The following ZC4H2 variants were observed in gnomAD, a reference collection of about 807,000 sequenced individuals.
ZC4H2 encodes the protein zinc finger C4H2 domain-containing protein.
For synonymous variants in ZC4H2, 84 were observed against 66.3 expected, an observed-to-expected ratio of 1.27 and a Z score of -1.30; for missense variants, 137 against 173.9, an observed-to-expected ratio of 0.79 and a Z score of 1.19.
chrX:64,962,790 T>C (rs1419795048), intron 1 of ZC4H2, among the ~76,000 whole-genome samples: 2 of 111,399 alleles, frequency 1.8e-5, no homozygotes, highest in African/African-American at 3.3e-5. Context: ...ATCCCACTTA[T>C]GATAGCACCA....
At chrX:65,029,260 G>A (rs1006614601) in intron 1 of ZC4H2, among the ~76,000 whole-genome samples, 1 of 112,294 alleles carries the variant, frequency 8.9e-6, no homozygotes, top group African/African-American at 3.2e-5. Context: ...ATGTAGCAGT[G>A]AGGTCCAATA....
intron 1 of ZC4H2, among the ~76,000 whole-genome samples, chrX:65,027,016 C>T (rs902586507): frequency 8.9e-6 from 1 of 112,309 alleles, no homozygotes; most frequent in Non-Finnish European, 1.9e-5. Context: ...AGATTCCAGA[C>T]TCCCAAGGAA....
At chrX:65,034,036 C>T (rs1932972969) in intron 1 of ZC4H2, among the ~76,000 whole-genome samples, 1 of 104,282 alleles carries the variant, frequency 9.6e-6, no homozygotes, top group African/African-American at 3.6e-5. Flanking sequence ...TTGCAGTTAG[C>T]TGAGATGGCG....
At chrX:64,992,297 C>T (rs1242886624) in intron 1 of ZC4H2, among the ~76,000 whole-genome samples, 1 of 111,428 alleles carries the variant, frequency 9.0e-6, no homozygotes, top group Non-Finnish European at 1.9e-5. Context: ...ACCTTCCCTG[C>T]CTGACTCCAA....
chrX:64,963,222 A>G (rs1931465087), intron 1 of ZC4H2, among the ~76,000 whole-genome samples: 1 of 111,857 alleles, frequency 8.9e-6, no homozygotes, highest in Non-Finnish European at 1.9e-5. Context: ...GGGAAAAACT[A>G]TGTCCACATG....
chrX:65,004,360 G>T (rs183312172), intron 1 of ZC4H2, among the ~76,000 whole-genome samples: 373 of 111,989 alleles, frequency 3.3e-3, no homozygotes, highest in Non-Finnish European at 5.2e-3. Context: ...GAATCCAGAA[G>T]CACATCAAAA....
intron 1 of ZC4H2, among the ~76,000 whole-genome samples, chrX:64,963,974 T>C (rs938566346): frequency 9.0e-6 from 1 of 111,225 alleles, no homozygotes; most frequent in Non-Finnish European, 1.9e-5. Flanking sequence ...TCATATGAGG[T>C]ATTTAAAATA....
intron 1 of ZC4H2, among the ~76,000 whole-genome samples, chrX:65,005,488 C>CCCTATTTAATAAATGGTGTTGG (rs755953296): frequency 0.21 from 22,275 of 104,919 alleles, 7,064 homozygotes; most frequent in African/African-American, 0.79. Flanking sequence ...GAAAAGGATT[C>CCCTATTTAATAAATGGTGTTGG]GAAATCTGGC....
chrX:64,918,748 A>G, intron 4 of ZC4H2: 1 of 220,681 alleles, frequency 4.5e-6, no homozygotes, highest in Non-Finnish European at 8.2e-6. Flanking sequence ...CTCATTTATG[A>G]TACATGCTCA....
intron 3 of ZC4H2, 66 bp downstream of exon 3, chrX:64,920,015 G>C (rs868664777): frequency 3.6e-6 from 4 of 1,111,632 alleles, no homozygotes; most frequent in Middle Eastern, 6.8e-4. Flanking sequence ...TGTGTGTGTA[G>C]GTATGTAAGT....
chrX:64,998,529 A>C (rs1056349097), intron 1 of ZC4H2, among the ~76,000 whole-genome samples: 2 of 112,093 alleles, frequency 1.8e-5, no homozygotes, highest in Non-Finnish European at 3.8e-5. Flanking sequence ...AGAGTGGCTA[A>C]ATTTGTGGCC....
rs566092504 is a variant in ZC4H2, at chrX:64,918,193, C to T, written c.562-297G>A. 462 of 191,723 alleles carry T rather than the reference C, an allele frequency of 2.4e-3. 9 individuals carry two copies. The South Asian group carries it at 0.061, about 25-fold the overall frequency. 15.8% of individuals were successfully genotyped at this position (191,723 alleles called of 1,213,427 possible). ...ATTGTCTAACAGGCCCACTTAAGGA[C>T]TATTTAATTTTCTAGAACAGGGGTC... On this transcript the variant is annotated intron_variant, in intron 4 of 4. Transcript: ENST00000374839.
intron 1 of ZC4H2, among the ~76,000 whole-genome samples, chrX:64,928,094 T>C (rs1355418109): frequency 1.8e-5 from 2 of 112,314 alleles, no homozygotes; most frequent in Admixed American, 1.9e-4. Context: ...CTGATGATAG[T>C]TTTTTTCGCT....
rs1486499478 is a variant in ZC4H2, at chrX:65,027,827, C to T, written c.-272+6802G>A. On this transcript the variant is annotated intron_variant, in intron 1 of 4. Transcript: ENST00000337990. ...TAATGCCAAATGAGGTCCAGATCAA[C>T]CTTCTGTTTGAAGTGGGCATCTTCA... is the stretch of plus-strand genomic sequence containing the variant. Among the ~76,000 whole-genome samples, 4 of 111,662 alleles carry T rather than the reference C, an allele frequency of 3.6e-5. No individual in the cohort carries two copies. In the East Asian group the frequency reaches 1.1e-3, roughly 31 times the overall value.
At chrX:64,984,387 T>C (rs375299386) in intron 1 of ZC4H2, among the ~76,000 whole-genome samples, 20 of 111,877 alleles carry the variant, frequency 1.8e-4, no homozygotes, top group Admixed American at 1.4e-3. Context: ...CGTAAAAATT[T>C]AGAGGCTAGG....
intron 1 of ZC4H2, among the ~76,000 whole-genome samples, chrX:64,938,233 A>C (rs758670860): frequency 2.7e-5 from 3 of 112,133 alleles, no homozygotes. Context: ...AGTCTAAACC[A>C]GGAAGAAGTC....
chrX:64,950,117 T>C (rs1292043674), intron 1 of ZC4H2, among the ~76,000 whole-genome samples: 1 of 112,135 alleles, frequency 8.9e-6, no homozygotes, highest in Non-Finnish European at 1.9e-5. Context: ...TTAGCAGTCA[T>C]TCAGGAGCAG....
At chrX:65,016,804 T>A (rs1283235369) in intron 1 of ZC4H2, among the ~76,000 whole-genome samples, 1 of 111,956 alleles carries the variant, frequency 8.9e-6, no homozygotes, top group Non-Finnish European at 1.9e-5. Flanking sequence ...GAGAGTCTAG[T>A]ATTTCCCTAA....
At chrX:64,996,595 G>A (rs1021406193) in intron 1 of ZC4H2, among the ~76,000 whole-genome samples, 6 of 111,869 alleles carry the variant, frequency 5.4e-5, no homozygotes, top group African/African-American at 1.9e-4. Flanking sequence ...AAGGAAATCA[G>A]TAAACAATGT....
Sources: gnomAD v4.1 joint callset for allele counts (sites outside exome capture counted in the v4.1 genomes callset) on GRCh38, gnomAD v4.1.1 for gene constraint, MANE v1.5 for transcripts, NCBI Gene and HGNC (gene_info 2026-07-23, HGNC 2026-07-21) for gene names.